The following UBLCP1 variants were observed in gnomAD, a reference collection of about 807,000 sequenced individuals.
The protein encoded by UBLCP1 is ubiquitin-like domain-containing CTD phosphatase 1.
A neutral mutation model predicts 42.4 loss-of-function variants in UBLCP1; 28 were observed. That is an observed-to-expected ratio of 0.66 (90% CI 0.49 to 0.90). The LOEUF is 0.90. Among genes scored for constraint, UBLCP1 ranks in the 40% least tolerant of loss-of-function variants. The pLI, the probability that UBLCP1 is intolerant of heterozygous loss-of-function variation, is 0.00. For missense variants in UBLCP1, 279 were observed against 374.5 expected, an observed-to-expected ratio of 0.75 and a Z score of 2.10; for synonymous variants, 122 against 120.8, an observed-to-expected ratio of 1.01 and a Z score of -0.07.
At chr5:159,277,772 C>G (rs1275840726) in intron 8 of UBLCP1, among the ~76,000 whole-genome samples, 2 of 152,036 alleles carry the variant, frequency 1.3e-5, no homozygotes, top group African/African-American at 4.8e-5. Flanking sequence ...CGAGTTTTTC[C>G]TCTATAAAAT....
intron 9 of UBLCP1, 127 bp from the exon 10 acceptor site, chr5:159,283,085 G>T: frequency 1.1e-6 from 1 of 941,546 alleles, no homozygotes; most frequent in Admixed American, 3.5e-5. Context: ...TAATATAAAA[G>T]TAATTTTTAG....
At chr5:159,269,112 G>A in intron 2 of UBLCP1, 43 bp downstream of exon 2, 1 of 1,389,984 alleles carries the variant, frequency 7.2e-7, no homozygotes. Context: ...TGAATTTTTA[G>A]TATTATGAAT....
intron 9 of UBLCP1, among the ~76,000 whole-genome samples, chr5:159,281,656 T>C (rs1562101728): frequency 6.6e-6 from 1 of 152,152 alleles, no homozygotes; most frequent in Non-Finnish European, 1.5e-5. Flanking sequence ...CTGGGAAAAT[T>C]TTCTTCTGTC....
intron 6 of UBLCP1, 101 bp downstream of exon 6, chr5:159,272,222 G>C: frequency 2.1e-6 from 2 of 935,824 alleles, no homozygotes; most frequent in East Asian, 2.5e-5. Context: ...GTTTAAATAT[G>C]AAATAGTTTT....
intron 5 of UBLCP1, among the ~76,000 whole-genome samples, chr5:159,270,972 A>G (rs1167658192): frequency 4.7e-5 from 7 of 150,282 alleles, no homozygotes; most frequent in African/African-American, 9.9e-5. Flanking sequence ...ATATATATAT[A>G]TGTGTGTGTG....
At chr5:159,275,666 C>T (rs1310866423) in intron 8 of UBLCP1, among the ~76,000 whole-genome samples, 1 of 152,062 alleles carries the variant, frequency 6.6e-6, no homozygotes, top group Non-Finnish European at 1.5e-5. Context: ...CCTGCCTCGG[C>T]CTCCCAAAGT....
In UBLCP1 at chr5:159,269,047, GT is replaced by G; in HGVS notation, c.134del (p.Leu45TyrfsTer22). On this transcript the variant is annotated frameshift_variant, in exon 2 of 11. Transcript: ENST00000296786. LOFTEE classifies it high-confidence loss of function. Reference sequence around the variant, plus strand: ...CAGGAGTTCTTCCAGAACGCCAAAAGTTACTTGGACTCAAAGTTAAAGGTAA... The same window carrying G: ...CAGGAGTTCTTCCAGAACGCCAAAAGTACTTGGACTCAAAGTTAAAGGTAA... ...LTGVLPERQK[L>X]LGLKVKGKPA... The G allele has an allele frequency of 6.3e-7, 1 of 1,588,198 alleles. No individual in the cohort carries two copies. Among genetic ancestry groups the G allele is most frequent in the Middle Eastern group, 1.7e-4 (1 of 5,998 alleles).
At chr5:159,284,812 T>C (rs1250740489) in intron 10 of UBLCP1, 92 bp from the exon 11 acceptor site, 1 of 1,306,740 alleles carries the variant, frequency 7.7e-7, no homozygotes, top group African/African-American at 1.5e-5. Flanking sequence ...AAATGTTTTG[T>C]CATTAGAACA....
chr5:159,280,661 C>T (rs903083369), intron 9 of UBLCP1, among the ~76,000 whole-genome samples: 3 of 152,154 alleles, frequency 2.0e-5, no homozygotes, highest in African/African-American at 7.2e-5. Context: ...ATCATGCTTT[C>T]ATAATGCACT....
chr5:159,273,726 C>T (rs1753499227), intron 6 of UBLCP1, among the ~76,000 whole-genome samples: 1 of 151,942 alleles, frequency 6.6e-6, no homozygotes, highest in South Asian at 2.1e-4. Flanking sequence ...AATTTTAGCT[C>T]AACTGACCAG....
intron 1 of UBLCP1, among the ~76,000 whole-genome samples, chr5:159,268,668 C>G (rs1229454580): frequency 6.6e-6 from 1 of 152,190 alleles, no homozygotes; most frequent in Non-Finnish European, 1.5e-5. Context: ...AGTAGTAACT[C>G]TAAGCCAAAA....
intron 1 of UBLCP1, among the ~76,000 whole-genome samples, chr5:159,263,672 C>T (rs1379237224): frequency 6.6e-6 from 1 of 152,206 alleles, no homozygotes; most frequent in Non-Finnish European, 1.5e-5. Context: ...GGCATCCCGG[C>T]CTTTTTGGTT....
chr5:159,283,061 C>G, intron 9 of UBLCP1, 151 bp from the exon 10 acceptor site: 1 of 705,790 alleles, frequency 1.4e-6, no homozygotes, highest in Middle Eastern at 4.3e-4. Context: ...TTATACATGA[C>G]TTTCTATTTA....
At chr5:159,276,792 A>G (rs928023045) in intron 8 of UBLCP1, among the ~76,000 whole-genome samples, 98 of 152,244 alleles carry the variant, frequency 6.4e-4, no homozygotes, top group African/African-American at 2.3e-3. Flanking sequence ...TTTAACAAAG[A>G]ACCTGTCAAC....
intron 6 of UBLCP1, among the ~76,000 whole-genome samples, chr5:159,272,492 G>T (rs1753481742): frequency 6.6e-6 from 1 of 151,718 alleles, no homozygotes; most frequent in South Asian, 2.1e-4. Flanking sequence ...GGGCTCAAGT[G>T]ATCCTCCTGC....
chr5:159,274,502 C>T (rs1010653726), intron 6 of UBLCP1, 83 bp from the exon 7 acceptor site: 1 of 1,203,316 alleles, frequency 8.3e-7, no homozygotes, highest in Non-Finnish European at 1.2e-6. Flanking sequence ...TTTAGTTTTG[C>T]TTAGAAAACT....
intron 5 of UBLCP1, among the ~76,000 whole-genome samples, chr5:159,270,856 G>T (rs1228017968): frequency 4.1e-5 from 5 of 123,254 alleles, no homozygotes; most frequent in African/African-American, 1.4e-4. Flanking sequence ...ACCACTCTTA[G>T]TAATTTGATA....
At position 159,269,244 on chromosome 5, in the gene UBLCP1, A is replaced by G. The variant is rs182543934; in HGVS notation, c.154+175A>G. Among the ~76,000 whole-genome samples, 3 of 152,182 alleles carry G rather than the reference A, an allele frequency of 2.0e-5. No homozygotes were observed. Among genetic ancestry groups the G allele is most frequent in the Non-Finnish European group, 4.4e-5 (3 of 68,028 alleles). ...TTCTTAAAATTGTTTTAGTGGTAAA[A>G]GTAAGAATATTAAAGTGTTCTCGAA... On this transcript the variant is annotated intron_variant, in intron 2 of 10. Coordinates refer to ENST00000296786, the MANE Select transcript of UBLCP1 (RefSeq NM_145049.5).
chr5:159,284,768 T>C (rs1753650017), intron 10 of UBLCP1, 136 bp from the exon 11 acceptor site: 1 of 841,446 alleles, frequency 1.2e-6, no homozygotes, highest in Non-Finnish European at 2.0e-6. Flanking sequence ...ACATAATCAG[T>C]AGATGTAAGT....
Sources: gnomAD v4.1 joint callset for allele counts (sites outside exome capture counted in the v4.1 genomes callset) on GRCh38, gnomAD v4.1.1 for gene constraint, MANE v1.5 for transcripts, NCBI Gene and HGNC (gene_info 2026-07-23, HGNC 2026-07-21) for gene names.